Variants in CCSER1 observed in about 807,000 individuals in gnomAD.
CCSER1 encodes the protein serine-rich coiled-coil domain-containing protein 1.
Under a neutral mutation model 82.0 loss-of-function variants are expected in CCSER1, and 41 were observed. The ratio of observed to expected loss-of-function variants is 0.50; its 90% CI spans 0.39 to 0.65. CCSER1 has a LOEUF of 0.65. Ranked by LOEUF, CCSER1 falls within the 30% of genes least tolerant of loss-of-function variation. The probability of loss-of-function intolerance (pLI) is 0.00; values close to 1 mark genes in which losing one functional copy is unlikely to be tolerated. For missense variants in CCSER1, 1,119 were observed against 1,064.2 expected, an observed-to-expected ratio of 1.05 and a Z score of -0.72; for synonymous variants, 414 against 383.9, an observed-to-expected ratio of 1.08 and a Z score of -0.92.
intron 9 of CCSER1, among the ~76,000 whole-genome samples, chr4:90,953,740 T>C (rs1733154482): frequency 6.6e-6 from 1 of 151,996 alleles, no homozygotes. Flanking sequence ...GAATTTTGTA[T>C]TGACTCACAT....
At chr4:90,572,302 G>C (rs1447313328) in intron 5 of CCSER1, among the ~76,000 whole-genome samples, 1 of 152,022 alleles carries the variant, frequency 6.6e-6, no homozygotes, top group Non-Finnish European at 1.5e-5. Context: ...TTTGATATTT[G>C]ACAATTTGGG....
rs112539203 is a variant in CCSER1 at position 91,566,416 on chromosome 4, G to A, written c.2218-32156G>A. Among the ~76,000 whole-genome samples the A allele has an allele frequency of 2.3e-3, 344 of 152,206 alleles. 1 individual carries two copies. Among genetic ancestry groups the A allele is most frequent in the African/African-American group, 7.8e-3 (322 of 41,548 alleles). Reference sequence around the variant, plus strand: ...TGCTGGCCTCATAGAATGAGTTGGGGAGGAGCCCCTCCTCCTCAATTTTTT... The same window carrying A: ...TGCTGGCCTCATAGAATGAGTTGGGAAGGAGCCCCTCCTCCTCAATTTTTT... On this transcript the variant is annotated intron_variant, in intron 10 of 10. Coordinates refer to ENST00000509176, the MANE Select transcript of CCSER1 (RefSeq NM_001145065.2).
At chr4:90,923,271 A>G (rs2150250469) in intron 8 of CCSER1, 99 bp from the exon 9 acceptor site, 2 of 836,246 alleles carry the variant, frequency 2.4e-6, no homozygotes, top group Middle Eastern at 4.4e-4. Context: ...AGAGAAGAAC[A>G]TGAATTATAC....
intron 1 of CCSER1, among the ~76,000 whole-genome samples, chr4:90,307,215 C>G (rs1413593317): frequency 6.6e-6 from 1 of 152,048 alleles, no homozygotes; most frequent in East Asian, 1.9e-4. Context: ...TGCCACATCT[C>G]CTCACTCGTG....
At chr4:90,706,234 A>G (rs1292927657) in intron 6 of CCSER1, among the ~76,000 whole-genome samples, 1 of 152,174 alleles carries the variant, frequency 6.6e-6, no homozygotes, top group East Asian at 1.9e-4. Context: ...ATGGACTAAG[A>G]CTGAAAACCA....
chr4:90,564,080 CT>C (rs1297945076), intron 5 of CCSER1, among the ~76,000 whole-genome samples: 1 of 152,058 alleles, frequency 6.6e-6, no homozygotes, highest in Non-Finnish European at 1.5e-5. Context: ...TGTATGTCCT[CT>C]TTTGAGAAAT....
intron 10 of CCSER1, among the ~76,000 whole-genome samples, chr4:91,299,150 A>T (rs934279835): frequency 6.6e-6 from 1 of 152,048 alleles, no homozygotes; most frequent in Non-Finnish European, 1.5e-5. Flanking sequence ...ATATATTAAA[A>T]TATTAAATAT....
At chr4:90,619,122 T>A (rs1721831120) in intron 5 of CCSER1, among the ~76,000 whole-genome samples, 1 of 151,958 alleles carries the variant, frequency 6.6e-6, no homozygotes, top group Non-Finnish European at 1.5e-5. Context: ...TTTATAAATG[T>A]ATTTGACAGT....
intron 10 of CCSER1, among the ~76,000 whole-genome samples, chr4:91,141,870 A>C (rs1262304953): frequency 6.6e-6 from 1 of 151,958 alleles, no homozygotes; most frequent in Non-Finnish European, 1.5e-5. Context: ...ATTTGATTAG[A>C]GATTTTGAGC....
At chr4:91,137,677 T>G (rs1728617270) in intron 10 of CCSER1, among the ~76,000 whole-genome samples, 1 of 150,272 alleles carries the variant, frequency 6.7e-6, no homozygotes, top group Non-Finnish European at 1.5e-5. Flanking sequence ...GCACCTGTTG[T>G]TTCCTGACTT....
intron 1 of CCSER1, among the ~76,000 whole-genome samples, chr4:90,237,015 T>C (rs1239852442): frequency 6.6e-6 from 1 of 152,128 alleles, no homozygotes; most frequent in East Asian, 1.9e-4. Flanking sequence ...CATCTCAATA[T>C]GGATATGGGT....
chr4:90,781,503 CTT>C, intron 7 of CCSER1: 2 of 984,986 alleles, frequency 2.0e-6, no homozygotes, highest in South Asian at 9.4e-5. Flanking sequence ...GTAATCTTCT[CTT>C]ATTTGATTAG....
At chr4:90,780,296 G>A (rs1471506181) in intron 7 of CCSER1, 1 of 858,730 alleles carries the variant, frequency 1.2e-6, no homozygotes, top group East Asian at 2.7e-5. Flanking sequence ...AAAAAAGTAA[G>A]TCTAAACATT....
intron 3 of CCSER1, among the ~76,000 whole-genome samples, chr4:90,391,479 T>C (rs867278295): frequency 1.2e-4 from 11 of 88,034 alleles, no homozygotes; most frequent in African/African-American, 6.6e-4. Flanking sequence ...TATATATATA[T>C]ATATATACAC....
At chr4:90,714,842 G>C (rs961223318) in intron 6 of CCSER1, among the ~76,000 whole-genome samples, 2 of 151,832 alleles carry the variant, frequency 1.3e-5, no homozygotes, top group African/African-American at 4.8e-5. Context: ...ATAAAATTAG[G>C]TATTTATCTT....
At chr4:90,494,882 C>T (rs1375942799) in intron 5 of CCSER1, among the ~76,000 whole-genome samples, 1 of 151,532 alleles carries the variant, frequency 6.6e-6, no homozygotes, top group Non-Finnish European at 1.5e-5. Context: ...CTTCAAAATA[C>T]TAGTCTTTTT....
At chr4:90,814,836 C>T (rs971355948) in intron 7 of CCSER1, among the ~76,000 whole-genome samples, 4 of 152,138 alleles carry the variant, frequency 2.6e-5, no homozygotes, top group Non-Finnish European at 5.9e-5. Context: ...ACATTTTAAT[C>T]AAAACCATTT....
chr4:91,307,925 G>A (rs547055524), intron 10 of CCSER1, among the ~76,000 whole-genome samples: 2 of 151,932 alleles, frequency 1.3e-5, no homozygotes, highest in Admixed American at 1.3e-4. Flanking sequence ...GCCCATTAGA[G>A]TACACTGTAA....
At chr4:90,973,471 A>G (rs1280029239) in intron 9 of CCSER1, among the ~76,000 whole-genome samples, 7 of 151,688 alleles carry the variant, frequency 4.6e-5, no homozygotes, top group Non-Finnish European at 8.8e-5. Context: ...TTATCACTTA[A>G]CACATGTTAA....
Sources: gnomAD v4.1 joint callset for allele counts (sites outside exome capture counted in the v4.1 genomes callset) on GRCh38, gnomAD v4.1.1 for gene constraint, MANE v1.5 for transcripts, NCBI Gene and HGNC (gene_info 2026-07-23, HGNC 2026-07-21) for gene names.